Variants in TBC1D1 observed in about 807,000 individuals in gnomAD.
The protein encoded by TBC1D1 is TBC1 (tre-2/USP6, BUB2, cdc16) domain family, member 1.
In TBC1D1, 89 loss-of-function variants were observed where a neutral mutation model predicts 125.6. The ratio of observed to expected loss-of-function variants is 0.71; its 90% confidence interval spans 0.60 to 0.85. The LOEUF (loss-of-function observed/expected upper bound fraction) is 0.85. Among genes scored for constraint, TBC1D1 ranks in the 40% least tolerant of loss-of-function variants. TBC1D1 has a pLI of 0.00. For synonymous variants in TBC1D1, 565 were observed against 564.1 expected (o/e 1.00, Z -0.02); for missense variants, 1,377 against 1,469.2 (o/e 0.94, Z 1.03).
chr4:38,028,126 C>CAAAA (rs199499890), intron 7 of TBC1D1, among the ~76,000 whole-genome samples: 1 of 149,584 alleles, frequency 6.7e-6, no homozygotes, highest in East Asian at 1.9e-4. Flanking sequence ...AACAAACAAA[C>CAAAA]AAACAAAAAA....
chr4:37,965,664 G>A (rs928925674), intron 2 of TBC1D1, among the ~76,000 whole-genome samples: 1 of 152,162 alleles, frequency 6.6e-6, no homozygotes, highest in African/African-American at 2.4e-5. Flanking sequence ...CTAGAGATCG[G>A]TGAGCAGATA....
At chr4:37,913,657 A>G (rs1719098634) in intron 2 of TBC1D1, among the ~76,000 whole-genome samples, 1 of 151,480 alleles carries the variant, frequency 6.6e-6, no homozygotes. Context: ...GTGTGTGTAT[A>G]TATATATATA....
At chr4:37,922,635 T>A (rs558298428) in intron 2 of TBC1D1, among the ~76,000 whole-genome samples, 1 of 152,394 alleles carries the variant, frequency 6.6e-6, no homozygotes, top group Non-Finnish European at 1.5e-5. Flanking sequence ...GTTCTTTTTC[T>A]GTTTCTATCT....
chr4:38,050,605 G>A (rs1230570558), intron 11 of TBC1D1, among the ~76,000 whole-genome samples: 1 of 152,206 alleles, frequency 6.6e-6, no homozygotes, highest in East Asian at 1.9e-4. Flanking sequence ...AATGGACACA[G>A]TTATCTTTAA....
At chr4:38,032,794 C>A (rs1340245775) in intron 7 of TBC1D1, among the ~76,000 whole-genome samples, 1 of 149,578 alleles carries the variant, frequency 6.7e-6, no homozygotes, top group African/African-American at 2.5e-5. Context: ...CAGATTGTGC[C>A]ACTGCACTCC....
At chr4:38,082,293 A>G (rs998203930) in intron 12 of TBC1D1, among the ~76,000 whole-genome samples, 3 of 152,170 alleles carry the variant, frequency 2.0e-5, no homozygotes, top group African/African-American at 7.2e-5. Context: ...AGCTTCCCAG[A>G]CACAGCCCTC....
intron 12 of TBC1D1, among the ~76,000 whole-genome samples, chr4:38,063,768 A>C (rs1321650571): frequency 1.3e-5 from 2 of 151,766 alleles, no homozygotes; most frequent in Non-Finnish European, 2.9e-5. Context: ...AGCTGGGATT[A>C]CAGGCATGCC....
intron 2 of TBC1D1, among the ~76,000 whole-genome samples, chr4:37,949,019 A>T (rs1461083871): frequency 6.6e-6 from 1 of 152,206 alleles, no homozygotes; most frequent in Non-Finnish European, 1.5e-5. Flanking sequence ...TCCAATCGTC[A>T]GTTGATGGCC....
chr4:38,100,527 A>C (rs1368438390), intron 14 of TBC1D1, among the ~76,000 whole-genome samples: 1 of 152,232 alleles, frequency 6.6e-6, no homozygotes, highest in Non-Finnish European at 1.5e-5. Context: ...TCCTTACTTA[A>C]TTATATCTGC....
At chr4:37,961,089 C>T in intron 2 of TBC1D1, 1 of 1,555,040 alleles carries the variant, frequency 6.4e-7, no homozygotes, top group Non-Finnish European at 8.9e-7. Context: ...ATTAATAAAG[C>T]ATTATTTGTT....
rs765363032 is a variant in TBC1D1, at chr4:38,138,189, A to G, written c.*854A>G. On this transcript the variant is annotated 3_prime_UTR_variant, in exon 20 of 20. Coordinates refer to ENST00000261439, the MANE Select transcript of TBC1D1 (RefSeq NM_015173.4). ...GCTTATCCCATAAGTACAGTTGATC[A>G]AAGTCATAGTAGGTAAATGCTTTAT... is the stretch of plus-strand genomic sequence containing the variant. 3.9e-5 allele frequency: 6 copies of G among 152,216 alleles called. No individual in the cohort carries two copies. Among genetic ancestry groups the G allele is most frequent in the Non-Finnish European group, 7.3e-5 (5 of 68,032 alleles). The allele number at this position is 152,216 out of a possible 1,614,324, so 9.4% of individuals were successfully genotyped here.
chr4:37,930,325 G>A (rs1723009411), intron 2 of TBC1D1, among the ~76,000 whole-genome samples: 3 of 152,052 alleles, frequency 2.0e-5, no homozygotes, highest in Non-Finnish European at 4.4e-5. Context: ...AGGATTGCAT[G>A]CTTTTTAAGT....
chr4:38,108,749 T>A (rs1372511617), intron 15 of TBC1D1, among the ~76,000 whole-genome samples: 1 of 152,234 alleles, frequency 6.6e-6, no homozygotes, highest in Non-Finnish European at 1.5e-5. Context: ...TATAATCCAA[T>A]TTTTTAGAAT....
intron 15 of TBC1D1, among the ~76,000 whole-genome samples, chr4:38,113,672 G>T (rs929796197): frequency 1.3e-5 from 2 of 152,138 alleles, no homozygotes; most frequent in Non-Finnish European, 2.9e-5. Context: ...AGCTGGCAAG[G>T]GTAATGGAAT....
intron 9 of TBC1D1, among the ~76,000 whole-genome samples, chr4:38,045,453 A>G (rs1440233052): frequency 6.6e-6 from 1 of 152,212 alleles, no homozygotes; most frequent in Non-Finnish European, 1.5e-5. Context: ...AAAGGGATAG[A>G]GTGCTGTCCG....
At chr4:38,022,243 C>T (rs1241593157) in intron 6 of TBC1D1, among the ~76,000 whole-genome samples, 1 of 152,112 alleles carries the variant, frequency 6.6e-6, no homozygotes, top group Admixed American at 6.5e-5. Context: ...AGAAACCTGG[C>T]TTAGGGAGAA....
At chr4:38,024,880 T>G (rs1036662363) in intron 6 of TBC1D1, among the ~76,000 whole-genome samples, 1 of 152,206 alleles carries the variant, frequency 6.6e-6, no homozygotes, top group Admixed American at 6.5e-5. Context: ...GACTATGTTT[T>G]CTTAATCAGT....
chr4:38,112,753 C>T (rs626893), intron 15 of TBC1D1, among the ~76,000 whole-genome samples: 40,946 of 152,128 alleles, frequency 0.27, 6,001 homozygotes, highest in East Asian at 0.36. Context: ...ATTAGAAAGG[C>T]GTCCAGACCC....
At chr4:38,049,591 T>A in intron 10 of TBC1D1, 27 bp from the exon 11 acceptor site, 1 of 1,573,626 alleles carries the variant, frequency 6.4e-7, no homozygotes, top group East Asian at 2.3e-5. Context: ...CCATGGTGTG[T>A]CTGATCTGCT....
Sources: allele counts gnomAD v4.1 joint callset (sites outside exome capture counted in the v4.1 genomes callset), GRCh38; gene constraint gnomAD v4.1.1; transcripts MANE v1.5; gene names NCBI Gene and HGNC (gene_info 2026-07-23, HGNC 2026-07-21).